CANX: variants seen among roughly 807,000 people sequenced by gnomAD.
CANX encodes calnexin, also known as epididymis secretory sperm binding protein.
A neutral mutation model predicts 75.7 loss-of-function variants in CANX; 14 were observed. The ratio of observed to expected loss-of-function variants is 0.19; its 90% CI spans 0.12 to 0.29. The LOEUF is 0.29. Among genes scored for constraint, CANX ranks in the 10% least tolerant of loss-of-function variants. CANX has a pLI of 1.00. For synonymous variants in CANX, 227 were observed against 236.9 expected, an observed-to-expected ratio of 0.96 and a Z score of 0.38; for missense variants, 567 against 713.2, an observed-to-expected ratio of 0.79 and a Z score of 2.34.
At chr5:179,706,093 C>T (rs1398733146) in intron 2 of CANX, among the ~76,000 whole-genome samples, 165 bp from the exon 3 acceptor site, 1 of 152,196 alleles carries the variant, frequency 6.6e-6, no homozygotes, top group Non-Finnish European at 1.5e-5. Flanking sequence ...TTATTGATCT[C>T]TCTGGCAGCC....
Position 179,716,098 on chromosome 5 carries a change from C to G in CANX, c.722-7C>G. 2 of 1,585,222 alleles carry G rather than the reference C, an allele frequency of 1.3e-6. No individual in the cohort carries two copies. The highest frequency in any genetic ancestry group is 1.1e-5 in the South Asian group (1 of 90,092). ...GTACTTTTAATTCCATTTAATGTTT[C>G]TTTCAGTCTTGAATCCAGATAATAG... On this transcript the variant is annotated splice_region_variant and splice_polypyrimidine_tract_variant and intron_variant, in intron 7 of 14. Transcript: ENST00000247461.
At chr5:179,710,460 C>T (rs188189256) in intron 7 of CANX, among the ~76,000 whole-genome samples, 2,458 of 149,900 alleles carry the variant, frequency 0.016, 70 homozygotes, top group African/African-American at 0.057. Context: ...GTAATCCCAG[C>T]ACTTTGGGAG....
intron 1 of CANX, among the ~76,000 whole-genome samples, chr5:179,691,971 G>A (rs1410324549): frequency 4.0e-5 from 6 of 150,266 alleles, no homozygotes; most frequent in African/African-American, 7.3e-5. Flanking sequence ...TAGTAGAGAC[G>A]GGATTTCACC....
intron 3 of CANX, 99 bp from the exon 4 acceptor site, chr5:179,707,033 T>C: frequency 1.3e-6 from 1 of 749,236 alleles, no homozygotes; most frequent in Non-Finnish European, 2.4e-6. Context: ...TTAAATAGGC[T>C]AAGAGCAGAA....
At chr5:179,724,392 C>T (rs780686301) in intron 12 of CANX, among the ~76,000 whole-genome samples, 3 of 152,196 alleles carry the variant, frequency 2.0e-5, no homozygotes, top group Non-Finnish European at 4.4e-5. Flanking sequence ...TTCTGTGTAT[C>T]GGTGCCTCAG....
intron 11 of CANX, chr5:179,723,344 G>A: frequency 9.6e-6 from 4 of 414,964 alleles, no homozygotes; most frequent in Non-Finnish European, 1.7e-5. Flanking sequence ...CAAACAACTG[G>A]TCATGTGGCC....
intron 1 of CANX, among the ~76,000 whole-genome samples, chr5:179,702,227 A>G (rs777838396): frequency 1.4e-5 from 2 of 147,888 alleles, no homozygotes; most frequent in African/African-American, 2.5e-5. Flanking sequence ...TTTTTTTCCT[A>G]ATTTTTCATA....
chr5:179,685,732 T>G (rs141799772), intron 1 of CANX, among the ~76,000 whole-genome samples: 3,585 of 151,762 alleles, frequency 0.024, 52 homozygotes, highest in Non-Finnish European at 0.038. Flanking sequence ...TTTTTGTATT[T>G]TTAGTAGAGG....
rs955386216 is a variant in CANX, at chr5:179,731,529, T to C, written c.*2885T>C. 1.3e-5 allele frequency among the ~76,000 whole-genome samples: 2 copies of C among 152,232 alleles called. No individual in the cohort carries two copies. Among genetic ancestry groups the C allele is most frequent in the Non-Finnish European group, 2.9e-5 (2 of 68,044 alleles). On this transcript the variant is annotated 3_prime_UTR_variant, in exon 15 of 15. Coordinates refer to ENST00000247461, the MANE Select transcript of CANX (RefSeq NM_001746.4). The stretch of plus-strand genomic sequence containing the variant: ...GGCACTTTTGCCTTGGTGGCCCACT[T>C]TCTCCATTTAAAACATTAGGATTTG...
chr5:179,714,618 C>T (rs1305781950), intron 7 of CANX, among the ~76,000 whole-genome samples: 5 of 151,528 alleles, frequency 3.3e-5, no homozygotes, highest in African/African-American at 4.8e-5. Flanking sequence ...CCCGGGTTCA[C>T]GCCATTCTCC....
At position 179,709,995 on chromosome 5, in the gene CANX, A is replaced by G. The variant is rs112133623; in HGVS notation, c.651A>G (p.Lys217=). The change falls in exon 7 of 15, where the codon AAA becomes AAG. Residue 217 remains lysine (K), a synonymous_variant. Coordinates refer to ENST00000247461, the MANE Select transcript of CANX (RefSeq NM_001746.4). Reference sequence around the variant, plus strand: ...CCAAAACGGGTATCTATGAAGAAAAACATGCTAAGAGGCCAGATGCAGATC... The same window carrying G: ...CCAAAACGGGTATCTATGAAGAAAAGCATGCTAAGAGGCCAGATGCAGATC... ...KNPKTGIYEE[K]HAKRPDADLK... 3 of 1,613,340 alleles carry G rather than the reference A, an allele frequency of 1.9e-6. No individual in the cohort carries two copies. Among genetic ancestry groups the G allele is most frequent in the Non-Finnish European group, 2.5e-6 (3 of 1,179,434 alleles).
rs58874777 is a variant in CANX at position 179,690,576 on chromosome 5, C to CA, written c.-4+11822dup. ...GGGGGACAAGAGTGAGACTTCATCT[C>CA]AAAAAAAAAAAAAAAAAAAAAAATC... On this transcript the variant is annotated intron_variant, in intron 1 of 14. Transcript: ENST00000681674. 6.8e-3 allele frequency among the ~76,000 whole-genome samples: 404 copies of CA among 59,700 alleles called. 4 individuals are homozygous for CA. Among genetic ancestry groups the CA allele is most frequent in the African/African-American group, 0.018 (273 of 15,226 alleles). The allele number at this position is 59,700 out of a possible 152,430, so 39.2% of individuals were successfully genotyped here. A position where few individuals can be genotyped will look rare whatever the true frequency, so the allele number is the denominator to read the frequency against.
At chr5:179,711,994 A>G (rs1005939251) in intron 7 of CANX, among the ~76,000 whole-genome samples, 8 of 150,554 alleles carry the variant, frequency 5.3e-5, no homozygotes, top group Non-Finnish European at 1.0e-4. Context: ...GATACTCAGG[A>G]GGCTGAGGCA....
At chr5:179,703,191 G>T (rs1369631541) in intron 1 of CANX, among the ~76,000 whole-genome samples, 1 of 151,854 alleles carries the variant, frequency 6.6e-6, no homozygotes, top group African/African-American at 2.4e-5. Context: ...GGGATTATTG[G>T]CGTGAGCCAC....
upstream of CANX, among the ~76,000 whole-genome samples, chr5:179,698,171 G>A (rs1031281027): frequency 6.6e-6 from 1 of 152,204 alleles, no homozygotes; most frequent in East Asian, 1.9e-4. Context: ...TACTAAGAGT[G>A]GGTTACTAAA....
intron 11 of CANX, among the ~76,000 whole-genome samples, 169 bp downstream of exon 11, chr5:179,723,188 C>A (rs1385179553): frequency 6.6e-6 from 1 of 151,278 alleles, no homozygotes; most frequent in African/African-American, 2.4e-5. Flanking sequence ...TTTCATTAGT[C>A]TAATGTAGTG....
intron 1 of CANX, among the ~76,000 whole-genome samples, chr5:179,680,171 A>T (rs898499914): frequency 1.3e-5 from 2 of 151,920 alleles, no homozygotes; most frequent in Non-Finnish European, 2.9e-5. Flanking sequence ...TGCTGGGAAG[A>T]GCAGAAGAGG....
chr5:179,726,298 G>T (rs1260500881), intron 13 of CANX, among the ~76,000 whole-genome samples: 1 of 150,618 alleles, frequency 6.6e-6, no homozygotes, highest in Non-Finnish European at 1.5e-5. Flanking sequence ...AAAAATAGTG[G>T]CCGGGCGCGA....
At chr5:179,714,624 TCTC>T (rs1777803668) in intron 7 of CANX, among the ~76,000 whole-genome samples, 1 of 151,948 alleles carries the variant, frequency 6.6e-6, no homozygotes, top group Non-Finnish European at 1.5e-5. Flanking sequence ...TTCACGCCAT[TCTC>T]CTGCCTCAGC....
Sources: gnomAD v4.1 joint callset for allele counts (sites outside exome capture counted in the v4.1 genomes callset) on GRCh38, gnomAD v4.1.1 for gene constraint, MANE v1.5 for transcripts, NCBI Gene and HGNC (gene_info 2026-07-23, HGNC 2026-07-21) for gene names.